LMCD1: variants seen among roughly 807,000 people sequenced by gnomAD.
LMCD1 encodes LIM and cysteine rich domains 1.
Under a neutral mutation model 42.7 loss-of-function variants are expected in LMCD1, and 32 were observed. The observed-to-expected ratio is 0.75, with a 90% CI of 0.57 to 1.01. The LOEUF (loss-of-function observed/expected upper bound fraction) is 1.01. Ranked by LOEUF, LMCD1 falls within the 50% of genes least tolerant of loss-of-function variation. The pLI is 0.00. For synonymous variants in LMCD1, 178 were observed against 184.9 expected, an observed-to-expected ratio of 0.96 and a Z score of 0.30; for missense variants, 458 against 483.1, an observed-to-expected ratio of 0.95 and a Z score of 0.49.
chr3:8,553,032 A>G (rs1310438739), intron 4 of LMCD1, among the ~76,000 whole-genome samples: 1 of 152,162 alleles, frequency 6.6e-6, no homozygotes, highest in Non-Finnish European at 1.5e-5. Flanking sequence ...GATTACCCCA[A>G]GCGAGCCCAC....
chr3:8,557,841 A>G (rs1005440570), intron 4 of LMCD1, among the ~76,000 whole-genome samples: 1 of 152,180 alleles, frequency 6.6e-6, no homozygotes, highest in African/African-American at 2.4e-5. Flanking sequence ...GTCTCTGTCC[A>G]TTCGGTGTCA....
intron 3 of LMCD1, among the ~76,000 whole-genome samples, chr3:8,539,944 G>C (rs1157517699): frequency 6.6e-6 from 1 of 151,668 alleles, no homozygotes; most frequent in Non-Finnish European, 1.5e-5. Context: ...ATTTACATTA[G>C]GTATTCTCCT....
intron 2 of LMCD1, 63 bp downstream of exon 2, chr3:8,532,888 C>T: frequency 7.3e-7 from 1 of 1,373,738 alleles, no homozygotes; most frequent in Non-Finnish European, 1.0e-6. Context: ...TCTCGGGGAA[C>T]CCTGGTTGCT....
At chr3:8,545,938 C>CCAA (rs1264677877) in intron 3 of LMCD1, among the ~76,000 whole-genome samples, 5 of 152,128 alleles carry the variant, frequency 3.3e-5, no homozygotes, top group Non-Finnish European at 7.4e-5. Context: ...GACCAACCTG[C>CCAA]CAACATGGCG....
rs1354516961 is a variant in LMCD1, at chr3:8,570,379, AGCACAAT to A, written c.*2785_*2791del. ...GTCATCTCTTCTCTGTTGAAACCCC[AGCACAAT>A]GCATGATTGACTTGGTCCACTGGGT... On this transcript the variant is annotated 3_prime_UTR_variant, in exon 6 of 6. Transcript: ENST00000157600. The A allele has an allele frequency of 6.6e-6, 1 of 152,294 alleles. No homozygotes were observed. The highest frequency in any genetic ancestry group is 1.9e-4 in the East Asian group (1 of 5,204). The allele number at this position is 152,294 out of a possible 1,614,324, so 9.4% of individuals were successfully genotyped here. A position where few individuals can be genotyped will look rare whatever the true frequency, so the allele number is the denominator to read the frequency against.
At chr3:8,538,982 A>T (rs1694565356) in intron 3 of LMCD1, among the ~76,000 whole-genome samples, 1 of 152,176 alleles carries the variant, frequency 6.6e-6, no homozygotes, top group Non-Finnish European at 1.5e-5. Context: ...AGAAATTGAG[A>T]ATATATGTTG....
intron 1 of LMCD1, among the ~76,000 whole-genome samples, chr3:8,505,764 T>C (rs59490459): frequency 0.015 from 2,262 of 152,338 alleles, 60 homozygotes; most frequent in African/African-American, 0.052. Flanking sequence ...CCCTCTTGGC[T>C]TTCCTGTCCT....
chr3:8,505,903 G>A (rs949573450), intron 1 of LMCD1, among the ~76,000 whole-genome samples: 8 of 152,184 alleles, frequency 5.3e-5, no homozygotes, highest in African/African-American at 1.9e-4. Flanking sequence ...GTGAATTGTC[G>A]TTGGCTCTCT....
chr3:8,562,520 T>G (rs1202538212), intron 4 of LMCD1, among the ~76,000 whole-genome samples: 1 of 152,200 alleles, frequency 6.6e-6, no homozygotes, highest in Non-Finnish European at 1.5e-5. Context: ...TTTTGTCTCC[T>G]TGGGCCTCGC....
chr3:8,530,662 G>A (rs1404791601), intron 1 of LMCD1, among the ~76,000 whole-genome samples: 1 of 152,172 alleles, frequency 6.6e-6, no homozygotes, highest in South Asian at 2.1e-4. Flanking sequence ...TTCACAAGTT[G>A]TATATCTCCC....
chr3:8,526,581 A>G (rs1332196877), intron 1 of LMCD1, among the ~76,000 whole-genome samples: 3 of 152,208 alleles, frequency 2.0e-5, no homozygotes, highest in Non-Finnish European at 4.4e-5. Flanking sequence ...GTTTATCAAA[A>G]TCACCTGGAG....
At chr3:8,510,301 C>A (rs1308608166) in intron 1 of LMCD1, among the ~76,000 whole-genome samples, 2 of 152,166 alleles carry the variant, frequency 1.3e-5, no homozygotes, top group South Asian at 4.1e-4. Context: ...CTCCCCACCC[C>A]AACCCTGGCT....
chr3:8,509,644 CTG>C (rs1359861417), intron 1 of LMCD1, among the ~76,000 whole-genome samples: 8 of 152,182 alleles, frequency 5.3e-5, no homozygotes, highest in African/African-American at 1.9e-4. Flanking sequence ...TGTCAGTGTT[CTG>C]TGAGTCTTTG....
At chr3:8,524,380 G>A (rs1430299097) in intron 1 of LMCD1, among the ~76,000 whole-genome samples, 1 of 152,080 alleles carries the variant, frequency 6.6e-6, no homozygotes, top group Admixed American at 6.6e-5. Flanking sequence ...GTATCCATGA[G>A]TGCCCCAGAG....
At chr3:8,542,519 C>A (rs900382209) in intron 3 of LMCD1, among the ~76,000 whole-genome samples, 1 of 152,150 alleles carries the variant, frequency 6.6e-6, no homozygotes, top group Non-Finnish European at 1.5e-5. Context: ...TATTGTAAAG[C>A]TCAGAAGAAA....
intron 1 of LMCD1, among the ~76,000 whole-genome samples, chr3:8,509,149 T>C (rs905214380): frequency 6.6e-6 from 1 of 152,172 alleles, no homozygotes; most frequent in African/African-American, 2.4e-5. Flanking sequence ...GATAAACATT[T>C]CCTCCTGCTG....
chr3:8,510,050 G>A (rs998823227), intron 1 of LMCD1, among the ~76,000 whole-genome samples: 2 of 152,182 alleles, frequency 1.3e-5, no homozygotes, highest in Non-Finnish European at 2.9e-5. Context: ...ACACCAAAGG[G>A]CAGGAGCATA....
intron 3 of LMCD1, among the ~76,000 whole-genome samples, chr3:8,546,243 T>TA (rs1694732847): frequency 6.6e-6 from 1 of 152,164 alleles, no homozygotes; most frequent in Non-Finnish European, 1.5e-5. Flanking sequence ...ACACATAAAA[T>TA]ACACCATCAC....
chr3:8,537,568 T>A, intron 3 of LMCD1, 128 bp downstream of exon 3: 1 of 1,064,452 alleles, frequency 9.4e-7, no homozygotes, highest in South Asian at 1.7e-5. Flanking sequence ...GGAGTGGCTG[T>A]GGTTTTAGCC....
Sources: allele counts gnomAD v4.1 joint callset (sites outside exome capture counted in the v4.1 genomes callset), GRCh38; gene constraint gnomAD v4.1.1; transcripts MANE v1.5; gene names NCBI Gene and HGNC (gene_info 2026-07-23, HGNC 2026-07-21).